The following MARCHF11 variants were observed in gnomAD, a reference collection of about 807,000 sequenced individuals.
MARCHF11 encodes the protein E3 ubiquitin-protein ligase MARCHF11.
Under a neutral mutation model 37.3 loss-of-function variants are expected in MARCHF11, and 29 were observed. That is an observed-to-expected ratio of 0.78 (90% CI 0.58 to 1.06). MARCHF11 has a LOEUF of 1.06. Among genes scored for constraint, MARCHF11 ranks in the 50% least tolerant of loss-of-function variants. The pLI is 0.00. For missense variants in MARCHF11, 482 were observed against 533.4 expected (o/e 0.90, Z 0.95); for synonymous variants, 233 against 228.0 (o/e 1.02, Z -0.20).
chr5:16,142,845 A>G (rs866391808), intron 2 of MARCHF11, among the ~76,000 whole-genome samples: 1 of 141,652 alleles, frequency 7.1e-6, no homozygotes, highest in African/African-American at 2.6e-5. Context: ...ACATCTCCCA[A>G]GTAGCTGAGA....
intron 2 of MARCHF11, among the ~76,000 whole-genome samples, chr5:16,107,953 C>T (rs545100896): frequency 1.3e-5 from 2 of 152,262 alleles, no homozygotes; most frequent in South Asian, 4.1e-4. Context: ...GCCACCTCTA[C>T]CACTCAGTAA....
chr5:16,147,937 T>C (rs1737826057), intron 2 of MARCHF11, among the ~76,000 whole-genome samples: 1 of 152,154 alleles, frequency 6.6e-6, no homozygotes, highest in East Asian at 1.9e-4. Flanking sequence ...ATGAGATGAA[T>C]GAAGGAGAGA....
chr5:16,106,438 T>C (rs1225203923), intron 2 of MARCHF11, among the ~76,000 whole-genome samples: 1 of 152,236 alleles, frequency 6.6e-6, no homozygotes, highest in Non-Finnish European at 1.5e-5. Context: ...GTGAGCTCTC[T>C]ACAGGCAGGA....
intron 2 of MARCHF11, among the ~76,000 whole-genome samples, chr5:16,134,588 T>C (rs2126586813): frequency 6.6e-6 from 1 of 152,266 alleles, no homozygotes; most frequent in South Asian, 2.1e-4. Context: ...ATGCAGTATT[T>C]TGAAATAAAA....
chr5:16,160,617 T>G lies in MARCHF11; in HGVS notation c.693+17109A>C, dbSNP rs984744223. Among the ~76,000 whole-genome samples, 9 of 151,742 alleles carry G rather than the reference T, an allele frequency of 5.9e-5. No homozygotes were observed. In the South Asian group the frequency reaches 1.9e-3, roughly 31 times the overall value. On this transcript the variant is annotated intron_variant, in intron 2 of 3. Coordinates refer to ENST00000332432, the MANE Select transcript of MARCHF11 (RefSeq NM_001102562.3). ...TTATATTCTTAAGATAATTTAGAAG[T>G]AGTTGTTTCAAAGTATCTGAACAGA...
intron 2 of MARCHF11, among the ~76,000 whole-genome samples, chr5:16,153,079 G>A (rs1737914984): frequency 6.6e-6 from 1 of 151,980 alleles, no homozygotes; most frequent in Admixed American, 6.6e-5. Context: ...ATGTGGCAGA[G>A]AGATAAAAAG....
intron 3 of MARCHF11, among the ~76,000 whole-genome samples, chr5:16,077,098 A>T (rs1277789563): frequency 6.6e-6 from 1 of 152,198 alleles, no homozygotes; most frequent in East Asian, 1.9e-4. Flanking sequence ...CTCTGATTCA[A>T]TGAAAACTGT....
chr5:16,086,391 T>G lies in MARCHF11; in HGVS notation c.886+4498A>C, dbSNP rs76665461. ...TTTTTTAACTTTATAGATTTCACAA[T>G]TATAAACACAAATTTCACATGTGTT... is the stretch of plus-strand genomic sequence containing the variant. On this transcript the variant is annotated intron_variant, in intron 3 of 3. Transcript: ENST00000332432. Among the ~76,000 whole-genome samples the G allele has an allele frequency of 8.8e-3, 1,345 of 152,270 alleles. 16 individuals carry two copies. The highest frequency in any genetic ancestry group is 0.031 in the African/African-American group (1,271 of 41,542).
chr5:16,070,135 C>T (rs562003123), intron 3 of MARCHF11, among the ~76,000 whole-genome samples: 20 of 152,114 alleles, frequency 1.3e-4, no homozygotes, highest in African/African-American at 3.6e-4. Context: ...TTGACCTAAC[C>T]GATCAGATAT....
At chr5:16,090,184 C>T (rs1257500981) in intron 3 of MARCHF11, among the ~76,000 whole-genome samples, 1 of 152,190 alleles carries the variant, frequency 6.6e-6, no homozygotes, top group Non-Finnish European at 1.5e-5. Context: ...TGGTCACCAT[C>T]GCGATGCCTG....
At chr5:16,150,843 C>G (rs1402384099) in intron 2 of MARCHF11, among the ~76,000 whole-genome samples, 1 of 151,956 alleles carries the variant, frequency 6.6e-6, no homozygotes, top group African/African-American at 2.4e-5. Context: ...TATATTAATT[C>G]TGAGGACCAG....
chr5:16,144,793 T>G (rs1737773625), intron 2 of MARCHF11, among the ~76,000 whole-genome samples: 1 of 152,194 alleles, frequency 6.6e-6, no homozygotes, highest in African/African-American at 2.4e-5. Context: ...ATTATCTGAA[T>G]TTTTAGGCCG....
intron 3 of MARCHF11, among the ~76,000 whole-genome samples, chr5:16,073,972 T>C (rs1376522665): frequency 6.6e-6 from 1 of 152,180 alleles, no homozygotes; most frequent in African/African-American, 2.4e-5. Flanking sequence ...ACATGAAACA[T>C]TCTCCAAGAT....
At chr5:16,157,375 G>T (rs1737995268) in intron 2 of MARCHF11, among the ~76,000 whole-genome samples, 1 of 151,850 alleles carries the variant, frequency 6.6e-6, no homozygotes, top group African/African-American at 2.4e-5. Context: ...CAAAGACCCT[G>T]AATAGCTAAA....
chr5:16,162,542 C>A lies in MARCHF11; in HGVS notation c.693+15184G>T, dbSNP rs138590571. 2.5e-3 allele frequency among the ~76,000 whole-genome samples: 377 copies of A among 152,040 alleles called. 3 individuals carry two copies. The highest frequency in any genetic ancestry group is 8.0e-3 in the African/African-American group (332 of 41,514). On this transcript the variant is annotated intron_variant, in intron 2 of 3. Coordinates refer to ENST00000332432, the MANE Select transcript of MARCHF11 (RefSeq NM_001102562.3). ...CTGACCATTCTATCTAAAATTTTAA[C>A]AATATCTCTCAACAATTCATAGCCC... is the stretch of plus-strand genomic sequence containing the variant.
At chr5:16,103,461 A>T (rs1170074914) in intron 2 of MARCHF11, among the ~76,000 whole-genome samples, 1 of 152,228 alleles carries the variant, frequency 6.6e-6, no homozygotes, top group Non-Finnish European at 1.5e-5. Context: ...TTATCCTACA[A>T]GGCAATGACG....
At chr5:16,107,697 C>T (rs184144458) in intron 2 of MARCHF11, among the ~76,000 whole-genome samples, 359 of 152,086 alleles carry the variant, frequency 2.4e-3, no homozygotes, top group African/African-American at 7.9e-3. Context: ...ATCACGCCCC[C>T]CTATCCTGTA....
At chr5:16,078,212 C>T (rs1736551059) in intron 3 of MARCHF11, among the ~76,000 whole-genome samples, 1 of 152,124 alleles carries the variant, frequency 6.6e-6, no homozygotes, top group Non-Finnish European at 1.5e-5. Context: ...GGGTCCTGCT[C>T]ACCATCTGTT....
chr5:16,106,336 T>A (rs556615286), intron 2 of MARCHF11, among the ~76,000 whole-genome samples: 1 of 152,330 alleles, frequency 6.6e-6, no homozygotes, highest in Admixed American at 6.5e-5. Flanking sequence ...TAGCTCTATC[T>A]ACATAACATC....
Sources: gnomAD v4.1 joint callset for allele counts (sites outside exome capture counted in the v4.1 genomes callset) on GRCh38, gnomAD v4.1.1 for gene constraint, MANE v1.5 for transcripts, NCBI Gene and HGNC (gene_info 2026-07-23, HGNC 2026-07-21) for gene names.